The following ARFIP1 variants were observed in gnomAD, a reference collection of about 807,000 sequenced individuals.
The protein encoded by ARFIP1 is arfaptin-1.
A neutral mutation model predicts 42.5 loss-of-function variants in ARFIP1; 24 were observed. That is an observed-to-expected ratio of 0.57 (90% CI 0.41 to 0.80). The LOEUF is 0.80. Ranked by LOEUF, ARFIP1 falls within the 30% of genes least tolerant of loss-of-function variation. The pLI, the probability that ARFIP1 is intolerant of heterozygous loss-of-function variation, is 0.00. For synonymous variants in ARFIP1, 141 were observed against 153.7 expected (o/e 0.92, Z 0.61); for missense variants, 354 against 434.0 (o/e 0.82, Z 1.64).
At chr4:152,840,041 A>G (rs1162219356) in intron 2 of ARFIP1, among the ~76,000 whole-genome samples, 4 of 152,144 alleles carry the variant, frequency 2.6e-5, no homozygotes, top group East Asian at 1.9e-4. Flanking sequence ...ATTAATTTCC[A>G]TGTATTTGCA....
intron 3 of ARFIP1, among the ~76,000 whole-genome samples, chr4:152,866,684 C>G (rs1027880738): frequency 1.7e-4 from 26 of 151,902 alleles, no homozygotes; most frequent in Admixed American, 8.5e-4. Context: ...GGCGGAGACG[C>G]TCCTCACTTC....
At chr4:152,812,741 C>G (rs1346415080) in intron 1 of ARFIP1, among the ~76,000 whole-genome samples, 1 of 152,092 alleles carries the variant, frequency 6.6e-6, no homozygotes, top group Non-Finnish European at 1.5e-5. Flanking sequence ...TCTTGCTTTC[C>G]TTATTTTGGT....
intron 8 of ARFIP1, among the ~76,000 whole-genome samples, chr4:152,888,819 C>A (rs978752191): frequency 3.3e-5 from 5 of 152,070 alleles, no homozygotes; most frequent in Non-Finnish European, 5.9e-5. Context: ...ACTAGAGCAA[C>A]GAGGGCTGAA....
rs765474391 is a variant in ARFIP1 at position 152,881,144 on chromosome 4, A to T, written c.593A>T (p.Asp198Val). ...QMVHTQRQLG[D>V]AFADLSLKSL... is the part of the protein sequence containing the mutation. ...GTACATACCCAAAGGCAACTTGGAG[A>T]TGCATTTGCTGACCTGAGTTTGAAG... Residue 198 changes from aspartate (D) to valine (V), a missense_variant, in exon 6 of 9, where the codon GAT becomes GTT. By Grantham distance (152) the Asp-to-Val change is radical (BLOSUM62 -3). Transcript: ENST00000353617. 6.2e-7 allele frequency: 1 copy of T among 1,613,668 alleles called. No individual in the cohort carries two copies. Among genetic ancestry groups the T allele is most frequent in the East Asian group, 2.2e-5 (1 of 44,864 alleles).
chr4:152,856,033 G>A (rs970940032), intron 2 of ARFIP1, among the ~76,000 whole-genome samples: 3 of 152,150 alleles, frequency 2.0e-5, no homozygotes, highest in Admixed American at 1.3e-4. Flanking sequence ...AAGGGAGTGC[G>A]AAATGCCTCT....
chr4:152,807,833 C>T (rs548503275), intron 1 of ARFIP1, among the ~76,000 whole-genome samples: 32 of 152,158 alleles, frequency 2.1e-4, no homozygotes, highest in African/African-American at 7.0e-4. Context: ...TGCTTACCCA[C>T]GGTCATGACT....
At chr4:152,826,032 G>A (rs1730805901) in intron 1 of ARFIP1, among the ~76,000 whole-genome samples, 1 of 151,522 alleles carries the variant, frequency 6.6e-6, no homozygotes, top group Non-Finnish European at 1.5e-5. Flanking sequence ...GGTGAAAAAG[G>A]AATGCTTATA....
At chr4:152,829,338 A>AT (rs952834855) in intron 1 of ARFIP1, among the ~76,000 whole-genome samples, 3 of 151,992 alleles carry the variant, frequency 2.0e-5, no homozygotes, top group African/African-American at 4.8e-5. Context: ...TTTTTTTCCA[A>AT]TTGTAAGTGG....
chr4:152,878,347 A>C (rs957718200), intron 5 of ARFIP1, among the ~76,000 whole-genome samples: 1 of 152,210 alleles, frequency 6.6e-6, no homozygotes, highest in Non-Finnish European at 1.5e-5. Flanking sequence ...CTGATCTCCA[A>C]TATTACATTT....
At chr4:152,824,357 T>G (rs1401572232) in intron 1 of ARFIP1, among the ~76,000 whole-genome samples, 1 of 151,468 alleles carries the variant, frequency 6.6e-6, no homozygotes, top group Admixed American at 6.6e-5. Context: ...ATCGAGTGAA[T>G]TTCTTTCCAG....
chr4:152,869,754 GC>G (rs1734720575), intron 3 of ARFIP1, among the ~76,000 whole-genome samples: 1 of 152,148 alleles, frequency 6.6e-6, no homozygotes, highest in Non-Finnish European at 1.5e-5. Flanking sequence ...TTACTTTGTA[GC>G]TAATTAAGGC....
intron 2 of ARFIP1, among the ~76,000 whole-genome samples, chr4:152,830,993 C>A (rs1385688472): frequency 6.6e-6 from 1 of 152,168 alleles, no homozygotes; most frequent in Non-Finnish European, 1.5e-5. Context: ...GGTTTCTGAG[C>A]ACTTGTGGTC....
chr4:152,794,703 G>T (rs1382076305), intron 1 of ARFIP1, among the ~76,000 whole-genome samples: 1 of 152,152 alleles, frequency 6.6e-6, no homozygotes, highest in Non-Finnish European at 1.5e-5. Flanking sequence ...GATGTTGATT[G>T]TTTCCCACTT....
intron 2 of ARFIP1, among the ~76,000 whole-genome samples, chr4:152,839,239 T>G (rs1410504945): frequency 6.6e-6 from 1 of 152,174 alleles, no homozygotes; most frequent in Non-Finnish European, 1.5e-5. Context: ...GTCTGTAGTT[T>G]TCTTTTTTGA....
At position 152,882,748 on chromosome 4, in the gene ARFIP1, C is replaced by T. The variant is rs761586875; in HGVS notation, c.659C>T (p.Thr220Ile). 14 of 1,613,392 alleles carry T rather than the reference C, an allele frequency of 8.7e-6. No homozygotes were observed. Among genetic ancestry groups the T allele is most frequent in the East Asian group, 2.2e-5 (1 of 44,846 alleles). The change falls in exon 7 of 9, where the codon ACC (threonine) becomes ATC (isoleucine). Residue 220 changes from threonine (T) to isoleucine (I), a missense_variant. Physicochemically the swap from Thr to Ile is moderately conservative, Grantham distance 89 (BLOSUM62 -1). Transcript: ENST00000353617. ...GAAGAATTTGGCTATAATGCCGATA[C>T]CCAGAAACTGCTGGCTAAAAATGGA... ...LHEEFGYNADTQKLLAKNGET... is the reference protein window; with the variant it reads ...LHEEFGYNADIQKLLAKNGET...
At position 152,872,653 on chromosome 4, in the gene ARFIP1, C is replaced by T. The variant is rs1255225844; in HGVS notation, c.411+89C>T. On this transcript the variant is annotated intron_variant, in intron 5 of 8. Transcript: ENST00000353617. ...CAAGTCATTATGTTGCAATTAAATG[C>T]ACATAGAGAAGAGAAAATGCCATCT... 6 of 636,016 alleles carry T rather than the reference C, an allele frequency of 9.4e-6. No homozygotes were observed. The East Asian group carries it at 1.3e-4, about 14-fold the overall frequency. The allele number at this position is 636,016 out of a possible 1,614,324, so 39.4% of individuals were successfully genotyped here. A position where few individuals can be genotyped will look rare whatever the true frequency, so the allele number is the denominator to read the frequency against.
At chr4:152,787,791 T>TA (rs1438686652) in intron 1 of ARFIP1, among the ~76,000 whole-genome samples, 4 of 152,228 alleles carry the variant, frequency 2.6e-5, no homozygotes, top group African/African-American at 7.2e-5. Context: ...TTCCTGAAGA[T>TA]ACCTCATTAT....
At chr4:152,811,112 T>TC (rs1491576713) in intron 1 of ARFIP1, among the ~76,000 whole-genome samples, 8 of 102,508 alleles carry the variant, frequency 7.8e-5, no homozygotes, top group African/African-American at 2.7e-4. Context: ...TTTTTTTTTT[T>TC]CAGTTTGGAA....
chr4:152,831,703 C>A (rs1731252582), intron 2 of ARFIP1, among the ~76,000 whole-genome samples: 1 of 152,180 alleles, frequency 6.6e-6, no homozygotes, highest in Non-Finnish European at 1.5e-5. Flanking sequence ...TCTTTTTCAA[C>A]TGGCTTTCAC....
Sources: allele counts gnomAD v4.1 joint callset (sites outside exome capture counted in the v4.1 genomes callset), GRCh38; gene constraint gnomAD v4.1.1; transcripts MANE v1.5; gene names NCBI Gene and HGNC (gene_info 2026-07-23, HGNC 2026-07-21).